The following TNN variants were observed in gnomAD, a reference collection of about 807,000 sequenced individuals.
TNN encodes the protein tenascin N, also known as tenascin-N.
In TNN, 122 loss-of-function variants were observed where a neutral mutation model predicts 134.4. The observed-to-expected ratio is 0.91, with a 90% confidence interval of 0.78 to 1.06. TNN has a LOEUF of 1.06. Among genes scored for constraint, TNN ranks in the 50% least tolerant of loss-of-function variants. TNN has a pLI of 0.00. For synonymous variants in TNN, 710 were observed against 670.3 expected (o/e 1.06, Z -0.91); for missense variants, 1,739 against 1,699.4 (o/e 1.02, Z -0.41).
chr1:175,139,947 A>C (rs1038869696), intron 17 of TNN, among the ~76,000 whole-genome samples: 1 of 152,272 alleles, frequency 6.6e-6, no homozygotes, highest in Non-Finnish European at 1.5e-5. Flanking sequence ...AAAACATGAA[A>C]GTCAGATATA....
At chr1:175,131,643 G>A (rs1428008874) in intron 15 of TNN, among the ~76,000 whole-genome samples, 1 of 152,138 alleles carries the variant, frequency 6.6e-6, no homozygotes, top group Non-Finnish European at 1.5e-5. Context: ...AACATTTATT[G>A]AGAGATCATA....
At chr1:175,079,063 G>A (rs1674123500) in intron 2 of TNN, among the ~76,000 whole-genome samples, 1 of 152,122 alleles carries the variant, frequency 6.6e-6, no homozygotes, top group South Asian at 2.1e-4. Context: ...AAGAAGGGTG[G>A]GTCCTGCAGC....
In TNN at chr1:175,077,712, C is replaced by T. The variant is rs1229263339; in HGVS notation, c.294C>T (p.Asp98=). 2 of 1,614,102 alleles carry T rather than the reference C, an allele frequency of 1.2e-6. No individual in the cohort carries two copies. Among genetic ancestry groups the T allele is most frequent in the African/African-American group, 1.3e-5 (1 of 74,934 alleles). ...HNIRLQTPQK[D]CELAGSVQDL... ...TCCGCCTTCAGACGCCACAGAAGGA[C>T]TGCGAGTTGGCAGGCAGTGTCCAGG... is the stretch of plus-strand genomic sequence containing the variant. The change falls in exon 2 of 19, where the codon GAC becomes GAT. Residue 98 remains aspartate (D), a synonymous_variant. Transcript: ENST00000239462.
intron 9 of TNN, among the ~76,000 whole-genome samples, chr1:175,111,540 A>G (rs1675027005): frequency 6.8e-6 from 1 of 147,788 alleles, no homozygotes; most frequent in South Asian, 2.2e-4. Flanking sequence ...AAAGAATGTC[A>G]TTGATATTTT....
At chr1:175,096,086 T>C (rs1032864895) in intron 7 of TNN, among the ~76,000 whole-genome samples, 51 of 152,164 alleles carry the variant, frequency 3.4e-4, no homozygotes, top group African/African-American at 1.1e-3. Flanking sequence ...GTTAAAAAGA[T>C]AAAGGACAGT....
At chr1:175,078,226 G>T (rs912841575) in intron 2 of TNN, among the ~76,000 whole-genome samples, 2 of 152,200 alleles carry the variant, frequency 1.3e-5, no homozygotes, top group Non-Finnish European at 2.9e-5. Context: ...TTAGCTGTGT[G>T]ACTTTGGGTA....
In TNN at chr1:175,128,142, T is replaced by A; in HGVS notation, c.3156T>A (p.Asn1052Lys). ...TTAAGGGTGGTCGCCGGAGCAGAAA[T>A]GTATCCACCACCCTCTCCACAGGTA... is the stretch of plus-strand genomic sequence containing the variant. ...VAFKGGRRSR[N>K]VSTTLSTVGA... The change falls in exon 14 of 19, where the codon AAT becomes AAA. Residue 1052 changes from asparagine (N) to lysine (K), a missense_variant. By Grantham distance (94) the Asn-to-Lys change is moderately conservative (BLOSUM62 0). Coordinates refer to ENST00000239462, the MANE Select transcript of TNN (RefSeq NM_022093.2). 6.2e-7 allele frequency: 1 copy of A among 1,610,376 alleles called. No individual in the cohort carries two copies. Among genetic ancestry groups the A allele is most frequent in the Non-Finnish European group, 8.5e-7 (1 of 1,178,126 alleles).
At chr1:175,146,798 TTC>T in intron 18 of TNN, 131 bp from the exon 19 acceptor site, 1 of 854,414 alleles carries the variant, frequency 1.2e-6, no homozygotes, top group Non-Finnish European at 1.6e-6. Context: ...CCCCGTCTCT[TTC>T]TCTCTCCTGA....
chr1:175,124,826 C>T (rs997511194), intron 12 of TNN, among the ~76,000 whole-genome samples: 1 of 152,210 alleles, frequency 6.6e-6, no homozygotes, highest in Non-Finnish European at 1.5e-5. Flanking sequence ...TTCTCCCCTT[C>T]CTTTCTCTGT....
chr1:175,094,382 C>T (rs1243676734), intron 7 of TNN, 129 bp downstream of exon 7: 2 of 811,188 alleles, frequency 2.5e-6, no homozygotes, highest in East Asian at 3.0e-5. Context: ...GGTTGCAAAA[C>T]CAATTTTGAT....
chr1:175,094,151 A>G lies in TNN; in HGVS notation c.1486A>G (p.Thr496Ala). The G allele has an allele frequency of 6.2e-7, 1 of 1,614,204 alleles. No individual in the cohort carries two copies. The highest frequency in any genetic ancestry group is 8.5e-7 in the Non-Finnish European group (1 of 1,180,024). ...EMAVHKDESS[T>A]VLTGLKPGEA... ...GGCAGTGCACAAGGATGAGAGCAGC[A>G]CTGTCCTGACGGGCCTGAAGCCAGG... Residue 496 changes from threonine (T) to alanine (A), a missense_variant, in exon 7 of 19, where the codon ACT becomes GCT. Physicochemically the swap from Thr to Ala is moderately conservative, Grantham distance 58. Transcript: ENST00000239462.
At chr1:175,146,509 T>A (rs959496218) in intron 18 of TNN, among the ~76,000 whole-genome samples, 1 of 152,190 alleles carries the variant, frequency 6.6e-6, no homozygotes, top group East Asian at 1.9e-4. Context: ...TGAAAATGAT[T>A]TTACACAACT....
intron 9 of TNN, among the ~76,000 whole-genome samples, chr1:175,112,519 G>T (rs1336926781): frequency 7.5e-6 from 1 of 133,692 alleles, no homozygotes; most frequent in Non-Finnish European, 1.5e-5. Flanking sequence ...ATCTATATGT[G>T]TTTCCACAGG....
intron 11 of TNN, among the ~76,000 whole-genome samples, chr1:175,120,768 T>TGCTA (rs1323915358): frequency 6.6e-6 from 1 of 152,380 alleles, no homozygotes; most frequent in East Asian, 1.9e-4. Flanking sequence ...ACACAGCAGC[T>TGCTA]GCTAGCTACA....
At chr1:175,090,474 C>A (rs1464465082) in intron 6 of TNN, among the ~76,000 whole-genome samples, 1 of 152,130 alleles carries the variant, frequency 6.6e-6, no homozygotes, top group Non-Finnish European at 1.5e-5. Flanking sequence ...CCCCCAAGAT[C>A]ATTTCTCATA....
chr1:175,125,688 TTCTCTCTTTTTTC>T (rs1558369256), intron 12 of TNN, among the ~76,000 whole-genome samples: 29 of 74,650 alleles, frequency 3.9e-4, no homozygotes, highest in African/African-American at 1.4e-3. Context: ...CCTCCTTTCT[TTCTCTCTTTTTTC>T]TCTCTTTCTT....
intron 9 of TNN, among the ~76,000 whole-genome samples, chr1:175,110,719 T>A (rs527949744): frequency 6.6e-6 from 1 of 152,236 alleles, no homozygotes; most frequent in Non-Finnish European, 1.5e-5. Flanking sequence ...TGTTCCATTG[T>A]GCCTATGTGT....
chr1:175,121,480 C>T (rs1675375170), intron 11 of TNN, among the ~76,000 whole-genome samples: 1 of 152,128 alleles, frequency 6.6e-6, no homozygotes, highest in Non-Finnish European at 1.5e-5. Context: ...ATGGGCTATA[C>T]TTATTAATAC....
chr1:175,132,688 G>A (rs925637840), intron 15 of TNN, among the ~76,000 whole-genome samples: 5 of 152,200 alleles, frequency 3.3e-5, no homozygotes, highest in Non-Finnish European at 7.3e-5. Context: ...GCTGGCTGAG[G>A]GTCAGCAATA....
Sources: allele counts gnomAD v4.1 joint callset (sites outside exome capture counted in the v4.1 genomes callset), GRCh38; gene constraint gnomAD v4.1.1; transcripts MANE v1.5; gene names NCBI Gene and HGNC (gene_info 2026-07-23, HGNC 2026-07-21).